The following ASTN2 variants were observed in gnomAD, a reference collection of about 807,000 sequenced individuals.
ASTN2 encodes the protein astrotactin 2.
A neutral mutation model predicts 139.8 loss-of-function variants in ASTN2; 54 were observed. The ratio of observed to expected loss-of-function variants is 0.39; its 90% CI spans 0.31 to 0.48. The LOEUF is 0.48. Ranked by LOEUF, ASTN2 falls within the 20% of genes least tolerant of loss-of-function variation. The pLI is 0.95. For synonymous variants in ASTN2, 756 were observed against 719.5 expected (o/e 1.05, Z -0.81); for missense variants, 1,565 against 1,725.1 (o/e 0.91, Z 1.64).
At chr9:117,393,411 T>C (rs1394156737) in intron 1 of ASTN2, among the ~76,000 whole-genome samples, 1 of 149,940 alleles carries the variant, frequency 6.7e-6, no homozygotes, top group Non-Finnish European at 1.5e-5. Context: ...AAAAGAGACA[T>C]TAAAAGTAAA....
intron 1 of ASTN2, among the ~76,000 whole-genome samples, chr9:117,297,490 T>C (rs2130793711): frequency 6.6e-6 from 1 of 152,328 alleles, no homozygotes; most frequent in South Asian, 2.1e-4. Flanking sequence ...CTATTGCAAA[T>C]GGTTCTGTGC....
chr9:116,634,342 G>A (rs1345754257), intron 17 of ASTN2, among the ~76,000 whole-genome samples: 1 of 151,858 alleles, frequency 6.6e-6, no homozygotes. Context: ...TGTAATCCCA[G>A]CACTTTGGGA....
chr9:116,771,871 G>A (rs1441385463), intron 13 of ASTN2, among the ~76,000 whole-genome samples: 3 of 152,154 alleles, frequency 2.0e-5, no homozygotes, highest in Non-Finnish European at 4.4e-5. Flanking sequence ...AGCCAGGAGT[G>A]TAGGCAGGCA....
intron 19 of ASTN2, among the ~76,000 whole-genome samples, chr9:116,596,038 C>T (rs978425999): frequency 2.0e-5 from 3 of 152,106 alleles, no homozygotes; most frequent in East Asian, 1.9e-4. Flanking sequence ...AAGTGTGCAT[C>T]GACAAATAAA....
At position 116,828,647 on chromosome 9, in the gene ASTN2, A is replaced by G. The variant is rs114729270; in HGVS notation, c.2041-7864T>C. The stretch of plus-strand genomic sequence containing the variant: ...AAGCATTTCCTCTAAGAACTAGAAC[A>G]AGACAAAGACATCCCCTTTCAACAC... On this transcript the variant is annotated intron_variant, in intron 11 of 22. Transcript: ENST00000313400. 8.6e-3 allele frequency among the ~76,000 whole-genome samples: 1,317 copies of G among 152,302 alleles called. 29 individuals are homozygous for G. The highest frequency in any genetic ancestry group is 0.03 in the African/African-American group (1,250 of 41,542).
At chr9:116,520,886 T>A (rs566933502) in intron 19 of ASTN2, among the ~76,000 whole-genome samples, 1 of 152,082 alleles carries the variant, frequency 6.6e-6, no homozygotes, top group African/African-American at 2.4e-5. Flanking sequence ...AATCAAGAAC[T>A]CAATCCCTTT....
intron 19 of ASTN2, among the ~76,000 whole-genome samples, chr9:116,594,320 A>T (rs1854483373): frequency 6.6e-6 from 1 of 152,190 alleles, no homozygotes; most frequent in Non-Finnish European, 1.5e-5. Context: ...AGGGTTATCA[A>T]AACAAAAACA....
At chr9:117,083,968 C>A (rs57032359) in intron 5 of ASTN2, among the ~76,000 whole-genome samples, 3 of 151,152 alleles carry the variant, frequency 2.0e-5, no homozygotes, top group African/African-American at 7.3e-5. Context: ...TTCAAGGAAC[C>A]CTCATTTGCC....
intron 20 of ASTN2, among the ~76,000 whole-genome samples, chr9:116,462,014 G>A (rs1267905374): frequency 6.6e-6 from 1 of 152,032 alleles, no homozygotes; most frequent in Non-Finnish European, 1.5e-5. Flanking sequence ...TTAAATAATG[G>A]TTATTATCAC....
At chr9:116,565,024 C>A (rs1035341366) in intron 19 of ASTN2, among the ~76,000 whole-genome samples, 1 of 152,048 alleles carries the variant, frequency 6.6e-6, no homozygotes, top group Non-Finnish European at 1.5e-5. Context: ...ACGCCTCATT[C>A]AACTCAATAA....
chr9:117,245,159 C>A (rs960901912), intron 2 of ASTN2, among the ~76,000 whole-genome samples: 1 of 152,136 alleles, frequency 6.6e-6, no homozygotes, highest in Non-Finnish European at 1.5e-5. Context: ...GGCATGCTCT[C>A]TGTGTAATGG....
rs2132145707 is a variant in ASTN2 at position 116,746,062 on chromosome 9, C to T, written c.2397-12539G>A. Among the ~76,000 whole-genome samples, 4 of 151,552 alleles carry T rather than the reference C, an allele frequency of 2.6e-5. No individual in the cohort carries two copies. The South Asian group carries it at 8.4e-4, about 32-fold the overall frequency. On this transcript the variant is annotated intron_variant, in intron 13 of 22. Coordinates refer to ENST00000313400, the MANE Select transcript of ASTN2 (RefSeq NM_001365068.1). ...TGGCCCCTTTCCTCAATCCTGAAAG[C>T]CAGCCAAGGCAAACTGAGTACTTTT...
intron 11 of ASTN2, among the ~76,000 whole-genome samples, chr9:116,824,942 T>C (rs1831585047): frequency 1.3e-5 from 2 of 152,172 alleles, no homozygotes; most frequent in Non-Finnish European, 2.9e-5. Flanking sequence ...TAGGCAATAT[T>C]GAAACAGGGA....
At chr9:116,639,332 T>C (rs952920954) in intron 17 of ASTN2, among the ~76,000 whole-genome samples, 1 of 152,208 alleles carries the variant, frequency 6.6e-6, no homozygotes, top group African/African-American at 2.4e-5. Context: ...ATGATGTAAC[T>C]CTGTCACCTA....
intron 3 of ASTN2, among the ~76,000 whole-genome samples, chr9:117,165,547 G>A (rs1047443028): frequency 5.3e-5 from 8 of 152,060 alleles, no homozygotes; most frequent in Admixed American, 2.6e-4. Context: ...TGCGCAGCAC[G>A]GAAGTCCAAC....
At chr9:116,983,124 T>C (rs903308785) in intron 7 of ASTN2, among the ~76,000 whole-genome samples, 14 of 152,216 alleles carry the variant, frequency 9.2e-5, no homozygotes, top group African/African-American at 2.7e-4. Context: ...TTCACTTTCT[T>C]ATTTGCTCTT....
chr9:117,402,211 C>T (rs893678554), intron 1 of ASTN2, among the ~76,000 whole-genome samples: 1 of 152,128 alleles, frequency 6.6e-6, no homozygotes, highest in East Asian at 1.9e-4. Flanking sequence ...GGATTACAGG[C>T]ACCTGCCACC....
intron 16 of ASTN2, among the ~76,000 whole-genome samples, chr9:116,701,796 C>T (rs535929967): frequency 5.2e-4 from 79 of 151,084 alleles, no homozygotes; most frequent in Non-Finnish European, 7.2e-4. Context: ...TTAGTACAGT[C>T]GATGTTTAAT....
At chr9:116,466,894 T>A (rs1159028316) in intron 20 of ASTN2, among the ~76,000 whole-genome samples, 1 of 152,188 alleles carries the variant, frequency 6.6e-6, no homozygotes, top group East Asian at 1.9e-4. Context: ...TTTTTTGCTA[T>A]CAGTTTTGTT....
Sources: allele counts gnomAD v4.1 joint callset (sites outside exome capture counted in the v4.1 genomes callset), GRCh38; gene constraint gnomAD v4.1.1; transcripts MANE v1.5; gene names NCBI Gene and HGNC (gene_info 2026-07-23, HGNC 2026-07-21).